Variants in RIMS2 observed in about 807,000 individuals in gnomAD.
RIMS2 encodes the protein regulating synaptic membrane exocytosis 2.
Under a neutral mutation model 174.4 loss-of-function variants are expected in RIMS2, and 59 were observed. The ratio of observed to expected loss-of-function variants is 0.34; its 90% CI spans 0.27 to 0.42. The LOEUF (loss-of-function observed/expected upper bound fraction) is 0.42. Among genes scored for constraint, RIMS2 ranks in the 10% least tolerant of loss-of-function variants. The pLI, the probability that RIMS2 is intolerant of heterozygous loss-of-function variation, is 1.00. For synonymous variants in RIMS2, 606 were observed against 572.5 expected, an observed-to-expected ratio of 1.06 and a Z score of -0.84; for missense variants, 1,620 against 1,666.3, an observed-to-expected ratio of 0.97 and a Z score of 0.48.
At chr8:103,857,500 G>A (rs2099034354) in intron 3 of RIMS2, among the ~76,000 whole-genome samples, 1 of 151,962 alleles carries the variant, frequency 6.6e-6, no homozygotes, top group African/African-American at 2.4e-5. Context: ...TTGGAGTTGT[G>A]AAGCTTACAT....
At chr8:103,711,221 G>A (rs2097299653) in intron 2 of RIMS2, among the ~76,000 whole-genome samples, 2 of 152,162 alleles carry the variant, frequency 1.3e-5, no homozygotes, top group South Asian at 4.1e-4. Context: ...CATTGGCTCA[G>A]GGTGTAGAAA....
At chr8:103,814,063 G>A (rs577839320) in intron 3 of RIMS2, among the ~76,000 whole-genome samples, 21 of 152,214 alleles carry the variant, frequency 1.4e-4, no homozygotes, top group South Asian at 1.2e-3. Flanking sequence ...AATACTATGC[G>A]CCATAAAAAA....
At chr8:103,587,682 G>T (rs1408284789) in intron 1 of RIMS2, among the ~76,000 whole-genome samples, 1 of 151,996 alleles carries the variant, frequency 6.6e-6, no homozygotes, top group Non-Finnish European at 1.5e-5. Context: ...TTTAATTGAT[G>T]CTGAAAAAGC....
chr8:103,924,480 G>A (rs1595245931), intron 10 of RIMS2, among the ~76,000 whole-genome samples: 1 of 151,480 alleles, frequency 6.6e-6, no homozygotes, highest in African/African-American at 2.4e-5. Flanking sequence ...TGTAGAGGTT[G>A]GAAAAATATA....
At chr8:103,669,139 G>T (rs2096712939) in intron 1 of RIMS2, among the ~76,000 whole-genome samples, 1 of 152,072 alleles carries the variant, frequency 6.6e-6, no homozygotes, top group Non-Finnish European at 1.5e-5. Flanking sequence ...GAGGCAAAAG[G>T]CACATCTTAC....
intron 19 of RIMS2, among the ~76,000 whole-genome samples, chr8:104,094,961 C>T (rs1437835534): frequency 6.6e-6 from 1 of 151,988 alleles, no homozygotes; most frequent in Non-Finnish European, 1.5e-5. Context: ...TTACCAAGTT[C>T]GTTATGAGTA....
chr8:103,827,740 C>T (rs1012623138), intron 3 of RIMS2, among the ~76,000 whole-genome samples: 4 of 152,066 alleles, frequency 2.6e-5, no homozygotes, highest in Non-Finnish European at 4.4e-5. Flanking sequence ...GAGGTTGAGG[C>T]AGGAGAATCG....
chr8:103,815,769 G>A, intron 3 of RIMS2, among the ~76,000 whole-genome samples: 1 of 152,042 alleles, frequency 6.6e-6, no homozygotes, highest in East Asian at 1.9e-4. Flanking sequence ...TTAGAATTCA[G>A]GTACCAGTAA....
intron 19 of RIMS2, among the ~76,000 whole-genome samples, chr8:104,170,403 C>T (rs757924365): frequency 6.6e-6 from 1 of 151,928 alleles, no homozygotes; most frequent in Non-Finnish European, 1.5e-5. Flanking sequence ...TGAACTAATC[C>T]ATTTATCATT....
chr8:103,880,921 GGTTA>G (rs2099164212), intron 3 of RIMS2, among the ~76,000 whole-genome samples: 1 of 151,218 alleles, frequency 6.6e-6, no homozygotes, highest in African/African-American at 2.4e-5. Context: ...TAAACTGCAT[GGTTA>G]GTTAGCATTG....
intron 1 of RIMS2, among the ~76,000 whole-genome samples, chr8:103,631,014 A>T (rs1232892257): frequency 6.6e-6 from 1 of 152,028 alleles, no homozygotes; most frequent in Non-Finnish European, 1.5e-5. Context: ...TAGATGTTGG[A>T]TATTAGATCT....
At chr8:103,828,250 G>T (rs866821025) in intron 3 of RIMS2, among the ~76,000 whole-genome samples, 1 of 152,054 alleles carries the variant, frequency 6.6e-6, no homozygotes, top group African/African-American at 2.4e-5. Flanking sequence ...ATGAACAGTT[G>T]GTATCAAGAT....
chr8:103,975,572 A>G (rs1190704940), intron 16 of RIMS2, 66 bp downstream of exon 18: 2 of 1,112,750 alleles, frequency 1.8e-6, no homozygotes, highest in African/African-American at 3.1e-5. Flanking sequence ...AGAGGGACAA[A>G]ACTAATAGGA....
At chr8:103,939,993 G>A (rs2082159748) in intron 13 of RIMS2, among the ~76,000 whole-genome samples, 2 of 152,156 alleles carry the variant, frequency 1.3e-5, no homozygotes, top group Admixed American at 1.3e-4. Context: ...AAGTCTCTAG[G>A]AAGTTCCAAA....
chr8:104,013,421 G>A (rs776291412), intron 17 of RIMS2, 21 bp from the exon 20 acceptor site: 4 of 1,610,622 alleles, frequency 2.5e-6, no homozygotes, highest in Non-Finnish European at 3.4e-6. Flanking sequence ...CAACTGAGCT[G>A]CTTTTTGACT....
chr8:103,808,707 T>C (rs994994286), intron 3 of RIMS2, among the ~76,000 whole-genome samples: 1 of 152,148 alleles, frequency 6.6e-6, no homozygotes, highest in Non-Finnish European at 1.5e-5. Flanking sequence ...TACACCTATC[T>C]TGACTGTGAC....
intron 17 of RIMS2, among the ~76,000 whole-genome samples, chr8:104,001,386 A>T (rs976259198): frequency 2.0e-5 from 3 of 151,966 alleles, no homozygotes; most frequent in African/African-American, 4.8e-5. Context: ...TAAATTTTTT[A>T]AAAATATTAG....
At chr8:104,127,152 AC>A (rs1321678661) in intron 19 of RIMS2, among the ~76,000 whole-genome samples, 20 of 152,268 alleles carry the variant, frequency 1.3e-4, no homozygotes, top group African/African-American at 4.8e-4. Flanking sequence ...TAGAATATTC[AC>A]TTTTTTCAGG....
intron 1 of RIMS2, among the ~76,000 whole-genome samples, chr8:103,599,145 C>T (rs1203753621): frequency 6.6e-6 from 1 of 151,990 alleles, no homozygotes; most frequent in Non-Finnish European, 1.5e-5. Flanking sequence ...AACACTACTG[C>T]TACTACTTAC....
Sources: gnomAD v4.1 joint callset for allele counts (sites outside exome capture counted in the v4.1 genomes callset) on GRCh38, gnomAD v4.1.1 for gene constraint, MANE v1.5 for transcripts, NCBI Gene and HGNC (gene_info 2026-07-23, HGNC 2026-07-21) for gene names.